HIVEP3: variants seen among roughly 807,000 people sequenced by gnomAD.
HIVEP3 encodes HIVEP zinc finger 3, also known as transcription factor HIVEP3.
Under a neutral mutation model 152.8 loss-of-function variants are expected in HIVEP3, and 49 were observed. The observed-to-expected ratio is 0.32, with a 90% CI of 0.26 to 0.41. HIVEP3 has a LOEUF of 0.41. Among genes scored for constraint, HIVEP3 ranks in the 10% least tolerant of loss-of-function variants. The pLI is 1.00. For missense variants in HIVEP3, 2,790 were observed against 3,103.3 expected, an observed-to-expected ratio of 0.90 and a Z score of 2.40; for synonymous variants, 1,269 against 1,289.0, an observed-to-expected ratio of 0.98 and a Z score of 0.33.
intron 1 of HIVEP3, among the ~76,000 whole-genome samples, chr1:41,765,555 T>C (rs560978486): frequency 4.6e-5 from 7 of 152,188 alleles, no homozygotes; most frequent in South Asian, 4.1e-4. Context: ...TCCCTCTTTG[T>C]TTGGAAGTTA....
chr1:41,538,207 G>A (rs528053271), intron 5 of HIVEP3, among the ~76,000 whole-genome samples: 63 of 152,152 alleles, frequency 4.1e-4, no homozygotes, highest in Non-Finnish European at 7.8e-4. Flanking sequence ...CCTGTTTTAT[G>A]AGTCTCCGCC....
In HIVEP3 at chr1:41,682,647, AG is replaced by A. The variant is rs547162285; in HGVS notation, c.-721+18268del. On this transcript the variant is annotated intron_variant, in intron 2 of 8. Coordinates refer to ENST00000372583, the MANE Select transcript of HIVEP3 (RefSeq NM_024503.5). ...GCCCAGCCGGGGACAGGTGGTGCCT[AG>A]GGATGCAGGACCTCTTGGTGGTAGA... is the stretch of plus-strand genomic sequence containing the variant. Among the ~76,000 whole-genome samples, 608 of 152,218 alleles carry A rather than the reference AG, an allele frequency of 4.0e-3. 2 individuals are homozygous for A. The highest frequency in any genetic ancestry group is 0.014 in the African/African-American group (564 of 41,528).
intron 1 of HIVEP3, among the ~76,000 whole-genome samples, chr1:41,862,289 C>T (rs1643897339): frequency 6.6e-6 from 1 of 152,202 alleles, no homozygotes. Flanking sequence ...ACCTCTCTTG[C>T]TCCTTCCGTT....
chr1:41,632,930 G>A (rs993292714), intron 2 of HIVEP3, among the ~76,000 whole-genome samples: 9 of 152,142 alleles, frequency 5.9e-5, no homozygotes, highest in African/African-American at 2.2e-4. Context: ...AAGTGGCCTG[G>A]ATGTGGTGGT....
chr1:41,667,336 CA>C (rs1250563837), intron 2 of HIVEP3, among the ~76,000 whole-genome samples: 1 of 152,252 alleles, frequency 6.6e-6, no homozygotes, highest in Non-Finnish European at 1.5e-5. Context: ...CCCCAAATGA[CA>C]AAAGCATCCT....
chr1:41,733,945 TC>T (rs944190711), intron 1 of HIVEP3, among the ~76,000 whole-genome samples: 4 of 151,264 alleles, frequency 2.6e-5, no homozygotes, highest in Non-Finnish European at 5.9e-5. Flanking sequence ...GAACTCACAC[TC>T]CCCGCCCTCT....
At chr1:41,984,726 G>A (rs1313316643) in intron 1 of HIVEP3, among the ~76,000 whole-genome samples, 2 of 152,158 alleles carry the variant, frequency 1.3e-5, no homozygotes, top group African/African-American at 2.4e-5. Context: ...GATAACAGGG[G>A]GAAGGGCTAC....
intron 1 of HIVEP3, among the ~76,000 whole-genome samples, chr1:41,883,872 T>C (rs1420084473): frequency 6.6e-6 from 1 of 152,146 alleles, no homozygotes; most frequent in African/African-American, 2.4e-5. Context: ...AGCTAGAAAA[T>C]TTAAAAGGAC....
chr1:41,910,995 G>C (rs1570792601), intron 1 of HIVEP3, among the ~76,000 whole-genome samples: 1 of 151,878 alleles, frequency 6.6e-6, no homozygotes, highest in African/African-American at 2.4e-5. Flanking sequence ...CAATGATAAA[G>C]GAAAGATTGA....
chr1:41,675,769 T>C (rs1645944916), intron 2 of HIVEP3, among the ~76,000 whole-genome samples: 1 of 152,206 alleles, frequency 6.6e-6, no homozygotes, highest in South Asian at 2.1e-4. Flanking sequence ...GCATAGAATA[T>C]GATTCAAACT....
chr1:41,689,299 A>G (rs1646160245), intron 2 of HIVEP3, among the ~76,000 whole-genome samples: 1 of 152,074 alleles, frequency 6.6e-6, no homozygotes, highest in Admixed American at 6.5e-5. Context: ...CGGCCTCCAC[A>G]GGGCACCTGT....
At chr1:42,011,518 T>C (rs1399505968) in intron 1 of HIVEP3, among the ~76,000 whole-genome samples, 2 of 152,228 alleles carry the variant, frequency 1.3e-5, no homozygotes, top group Non-Finnish European at 2.9e-5. Flanking sequence ...ACTTGATCAA[T>C]TCAAGATATC....
At chr1:41,958,327 T>A (rs1645151175) in intron 1 of HIVEP3, among the ~76,000 whole-genome samples, 1 of 152,238 alleles carries the variant, frequency 6.6e-6, no homozygotes, top group Non-Finnish European at 1.5e-5. Context: ...AATGCCATTG[T>A]AAGTAAAGGA....
chr1:41,951,423 G>C (rs976678637), intron 1 of HIVEP3, among the ~76,000 whole-genome samples: 2 of 152,176 alleles, frequency 1.3e-5, no homozygotes, highest in African/African-American at 4.8e-5. Flanking sequence ...CAATGACTGA[G>C]AGAGGGCACA....
chr1:41,646,384 C>T (rs555817095), intron 2 of HIVEP3, among the ~76,000 whole-genome samples: 2 of 152,280 alleles, frequency 1.3e-5, no homozygotes, highest in South Asian at 4.1e-4. Flanking sequence ...GAGTGCGGGG[C>T]ACAACCAGTT....
At chr1:41,944,767 C>T (rs1171953313) in intron 1 of HIVEP3, among the ~76,000 whole-genome samples, 2 of 152,116 alleles carry the variant, frequency 1.3e-5, no homozygotes, top group Admixed American at 1.3e-4. Flanking sequence ...AGCATTAGGA[C>T]CATAGAGGAC....
intron 1 of HIVEP3, among the ~76,000 whole-genome samples, chr1:41,950,784 C>A (rs1049968619): frequency 5.9e-5 from 9 of 152,204 alleles, no homozygotes; most frequent in Admixed American, 2.6e-4. Context: ...AAACCTCATA[C>A]TGCCCTAAAA....
At position 41,763,328 on chromosome 1, in the gene HIVEP3, C is replaced by A. The variant is rs980214422; in HGVS notation, c.-800-62333G>T. On this transcript the variant is annotated intron_variant, in intron 1 of 8. Coordinates refer to ENST00000372583, the MANE Select transcript of HIVEP3 (RefSeq NM_024503.5). ...GGCAAGCACTATGCCCAGCTGCCGT[C>A]CCCCTCCTGCCCTCCTGCACAGGGG... Among the ~76,000 whole-genome samples the A allele has an allele frequency of 8.5e-5, 13 of 152,254 alleles. No homozygotes were observed. In the South Asian group the frequency reaches 2.7e-3, roughly 32 times the overall value.
chr1:41,881,699 T>C (rs999804900), intron 1 of HIVEP3, among the ~76,000 whole-genome samples: 1 of 152,266 alleles, frequency 6.6e-6, no homozygotes, highest in African/African-American at 2.4e-5. Flanking sequence ...GTATTTCAGA[T>C]GTAGGTACAG....
Sources: gnomAD v4.1 joint callset for allele counts (sites outside exome capture counted in the v4.1 genomes callset) on GRCh38, gnomAD v4.1.1 for gene constraint, MANE v1.5 for transcripts, NCBI Gene and HGNC (gene_info 2026-07-23, HGNC 2026-07-21) for gene names.